Variants in GPBP1L1 observed in about 807,000 individuals in gnomAD.
GPBP1L1 encodes vasculin-like protein 1.
Under a neutral mutation model 52.5 loss-of-function variants are expected in GPBP1L1, and 23 were observed. That is an observed-to-expected ratio of 0.44 (90% CI 0.32 to 0.62). GPBP1L1 has a LOEUF of 0.62. Ranked by LOEUF, GPBP1L1 falls within the 20% of genes least tolerant of loss-of-function variation. The probability of loss-of-function intolerance (pLI) is 0.06; values close to 1 mark genes in which losing one functional copy is unlikely to be tolerated. For missense variants in GPBP1L1, 596 were observed against 579.3 expected (o/e 1.03, Z -0.30); for synonymous variants, 243 against 203.1 (o/e 1.20, Z -1.67).
At chr1:45,651,547 C>T in intron 6 of GPBP1L1, 1 of 558,644 alleles carries the variant, frequency 1.8e-6, no homozygotes, top group Non-Finnish European at 3.2e-6. Flanking sequence ...GCTTAAGTAG[C>T]TGAGTAGCTG....
chr1:45,633,711 AC>A, intron 9 of GPBP1L1, 64 bp from the exon 10 acceptor site: 1 of 1,517,296 alleles, frequency 6.6e-7, no homozygotes, highest in Non-Finnish European at 9.0e-7. Flanking sequence ...GTTCTCTTCT[AC>A]TAAGTGCTGA....
At chr1:45,648,299 T>C (rs750326312) in intron 6 of GPBP1L1, among the ~76,000 whole-genome samples, 3 of 152,188 alleles carry the variant, frequency 2.0e-5, no homozygotes, top group Non-Finnish European at 4.4e-5. Flanking sequence ...AATCCTTCAT[T>C]ACTCCAATCT....
At chr1:45,647,095 CTT>C (rs1403961252) in intron 6 of GPBP1L1, among the ~76,000 whole-genome samples, 1 of 146,610 alleles carries the variant, frequency 6.8e-6, no homozygotes, top group Non-Finnish European at 1.5e-5. Context: ...ATTATTACTT[CTT>C]TTCAAGAGTT....
chr1:45,650,072 A>G (rs1205617184), intron 6 of GPBP1L1, among the ~76,000 whole-genome samples: 1 of 152,188 alleles, frequency 6.6e-6, no homozygotes, highest in Non-Finnish European at 1.5e-5. Flanking sequence ...ACATATTAAT[A>G]TTGCTCCCAA....
chr1:45,684,290 A>G (rs1645252960), intron 2 of GPBP1L1, among the ~76,000 whole-genome samples: 1 of 151,488 alleles, frequency 6.6e-6, no homozygotes, highest in African/African-American at 2.4e-5. Flanking sequence ...AAAAGAAAAG[A>G]AAAGAAGGAA....
At chr1:45,686,866 C>A, upstream of GPBP1L1, 1 of 152,802 alleles carries the variant, frequency 6.5e-6, no homozygotes, top group Non-Finnish European at 1.5e-5. Context: ...TACGCCCCTT[C>A]TAACCCCCTT....
rs188282218 is a variant in GPBP1L1 at position 45,636,456 on chromosome 1, C to T, written c.745-2220G>A. On this transcript the variant is annotated intron_variant, in intron 8 of 12. Coordinates refer to ENST00000355105, the MANE Select transcript of GPBP1L1 (RefSeq NM_021639.5). ...ATCTCTACCTACTTTAACTTCTCTCCTGTTCTTTTTATACAGGCCTCCATC... is the reference window on the plus strand; with the variant it reads ...ATCTCTACCTACTTTAACTTCTCTCTTGTTCTTTTTATACAGGCCTCCATC... Among the ~76,000 whole-genome samples the T allele has an allele frequency of 1.1e-4, 16 of 152,240 alleles. No homozygotes were observed. In the East Asian group the frequency reaches 2.9e-3, roughly 28 times the overall value.
rs141695515 is a variant in GPBP1L1, at chr1:45,629,610, T to A, written c.1238A>T (p.Asp413Val). 1.9e-6 allele frequency: 3 copies of A among 1,612,914 alleles called. No homozygotes were observed. Among genetic ancestry groups the A allele is most frequent in the African/African-American group, 2.7e-5 (2 of 74,990 alleles). ...CTTCATGTGGAACTCTTTGAGCTCA[T>A]CCTCTGTGAGGGGAAGGCAATTCTC... ...NDENCLPLTE[D>V]ELKEFHMKTE... The change falls in exon 12 of 13, where the codon GAT becomes GTT. Residue 413 changes from aspartate to valine, a missense_variant. Asp to Val is a radical substitution (Grantham distance 152). Transcript: ENST00000355105.
intron 2 of GPBP1L1, among the ~76,000 whole-genome samples, chr1:45,664,065 G>A (rs1342174694): frequency 6.6e-6 from 1 of 152,174 alleles, no homozygotes; most frequent in Non-Finnish European, 1.5e-5. Flanking sequence ...AGGCGCGGTG[G>A]CTCACGCCTG....
intron 2 of GPBP1L1, among the ~76,000 whole-genome samples, chr1:45,667,896 T>A (rs1196460517): frequency 1.3e-5 from 2 of 152,088 alleles, no homozygotes; most frequent in Non-Finnish European, 1.5e-5. Context: ...TACAGGCATG[T>A]GTGACCTGTA....
chr1:45,660,421 G>C lies in GPBP1L1; in HGVS notation c.-293C>G, dbSNP rs564964132. ...GGGAAAGGGGAAAAGGGGAAGGGGG[G>C]AAGGGGAACATAAAAAGTATTTGTT... is the stretch of plus-strand genomic sequence containing the variant. On this transcript the variant is annotated 5_prime_UTR_variant, in exon 3 of 13. Transcript: ENST00000355105. 2 of 978,610 alleles carry C rather than the reference G, an allele frequency of 2.0e-6. No individual in the cohort carries two copies. Among genetic ancestry groups the C allele is most frequent in the African/African-American group, 3.5e-5 (2 of 56,876 alleles). The allele number at this position is 978,610 out of a possible 1,614,324, so 60.6% of individuals were successfully genotyped here.
intron 3 of GPBP1L1, 145 bp from the exon 4 acceptor site, chr1:45,659,287 C>T: frequency 5.5e-6 from 3 of 545,856 alleles, no homozygotes; most frequent in Admixed American, 3.5e-5. Context: ...AGCCTTATAA[C>T]TCAGAGAAGT....
intron 12 of GPBP1L1, 115 bp from the exon 13 acceptor site, chr1:45,628,523 G>A (rs1327799004): frequency 2.2e-6 from 2 of 921,758 alleles, no homozygotes; most frequent in African/African-American, 1.6e-5. Flanking sequence ...TGTGGGGCGG[G>A]GGGTGCTTCT....
intron 6 of GPBP1L1, among the ~76,000 whole-genome samples, chr1:45,648,426 G>A (rs1299434953): frequency 1.3e-5 from 2 of 152,144 alleles, no homozygotes; most frequent in Non-Finnish European, 2.9e-5. Flanking sequence ...GTATTTACTT[G>A]TTATTCCATT....
intron 6 of GPBP1L1, 24 bp from the exon 7 acceptor site, chr1:45,642,523 G>A (rs774320314): frequency 2.5e-6 from 4 of 1,587,892 alleles, no homozygotes; most frequent in South Asian, 2.2e-5. Context: ...GATATGAATG[G>A]TTGATACAGA....
At chr1:45,639,812 A>G (rs2148437013) in intron 8 of GPBP1L1, among the ~76,000 whole-genome samples, 1 of 152,186 alleles carries the variant, frequency 6.6e-6, no homozygotes, top group Admixed American at 6.5e-5. Flanking sequence ...CAGGAGGTGG[A>G]GCTTGCAGTG....
chr1:45,651,287 T>G (rs185499357), intron 6 of GPBP1L1: 1 of 394,820 alleles, frequency 2.5e-6, no homozygotes, highest in East Asian at 6.5e-5. Flanking sequence ...GATAATGCAG[T>G]AAGGGACCCC....
intron 2 of GPBP1L1, among the ~76,000 whole-genome samples, chr1:45,674,083 A>G (rs898170459): frequency 6.6e-6 from 1 of 152,142 alleles, no homozygotes; most frequent in Non-Finnish European, 1.5e-5. Flanking sequence ...CAAAAAAAAG[A>G]AAAAGTCAAT....
At chr1:45,664,621 G>T (rs1644988032) in intron 2 of GPBP1L1, among the ~76,000 whole-genome samples, 2 of 152,228 alleles carry the variant, frequency 1.3e-5, no homozygotes, top group Middle Eastern at 3.4e-3. Context: ...GTTTCACTAT[G>T]TTGCCTAGGC....
Sources: gnomAD v4.1 joint callset for allele counts (sites outside exome capture counted in the v4.1 genomes callset) on GRCh38, gnomAD v4.1.1 for gene constraint, MANE v1.5 for transcripts, NCBI Gene and HGNC (gene_info 2026-07-23, HGNC 2026-07-21) for gene names.